The following AXIN1 variants were observed in gnomAD, a reference collection of about 807,000 sequenced individuals.
AXIN1 encodes the protein axin 1.
Under a neutral mutation model 76.4 loss-of-function variants are expected in AXIN1, and 30 were observed. The observed-to-expected ratio is 0.39, with a 90% CI of 0.29 to 0.53. The LOEUF (loss-of-function observed/expected upper bound fraction) is 0.53. AXIN1 is among the 20% of genes least tolerant of loss of function. AXIN1 has a pLI of 0.66. For synonymous variants in AXIN1, 545 were observed against 501.4 expected (o/e 1.09, Z -1.16); for missense variants, 1,140 against 1,198.8 (o/e 0.95, Z 0.72).
intron 5 of AXIN1, among the ~76,000 whole-genome samples, chr16:301,954 C>T (rs747096955): frequency 2.6e-5 from 4 of 152,246 alleles, no homozygotes; most frequent in African/African-American, 7.2e-5. Flanking sequence ...CCCGTGGGCC[C>T]GGATGTGGCC....
chr16:310,179 A>G (rs980105282), intron 3 of AXIN1, 110 bp from the exon 4 acceptor site: 1 of 936,870 alleles, frequency 1.1e-6, no homozygotes, highest in African/African-American at 1.6e-5. Context: ...TGATGAGGAC[A>G]CCTGTGAGCC....
chr16:313,941 TC>T (rs1202009162), intron 3 of AXIN1, among the ~76,000 whole-genome samples: 1 of 152,124 alleles, frequency 6.6e-6, no homozygotes, highest in East Asian at 1.9e-4. Flanking sequence ...CTTCCCTCAC[TC>T]CTGCTCCCAG....
At position 293,226 on chromosome 16, in the gene AXIN1, T is replaced by C. The variant is rs1049233090; in HGVS notation, c.2186+262A>G. On this transcript the variant is annotated intron_variant, in intron 8 of 10. Transcript: ENST00000262320. The surrounding 1 kb of genome is among the most constrained non-coding windows in gnomAD (Gnocchi z 4.6). The stretch of plus-strand genomic sequence containing the variant: ...AGCCTCCCTGCAGACTGGGCTCAGG[T>C]TGAGGAGGGACCCCGCCTCCAGAGC... 2.4e-5 allele frequency: 13 copies of C among 548,822 alleles called. No individual in the cohort carries two copies. Among genetic ancestry groups the C allele is most frequent in the Non-Finnish European group, 2.6e-5 (8 of 305,138 alleles). The allele number at this position is 548,822 out of a possible 1,614,324, so 34.0% of individuals were successfully genotyped here.
At chr16:290,904 G>A (rs1326091809) in intron 9 of AXIN1, 2 of 513,792 alleles carry the variant, frequency 3.9e-6, no homozygotes, top group African/African-American at 1.9e-5. Context: ...CAGGAAGCCT[G>A]GCCGTGACAC....
chr16:310,384 G>A (rs1031711437), intron 3 of AXIN1, among the ~76,000 whole-genome samples: 1 of 152,126 alleles, frequency 6.6e-6, no homozygotes, highest in Non-Finnish European at 1.5e-5. Flanking sequence ...AGCTAAGAGT[G>A]GTTTCTACAT....
At chr16:311,367 T>C (rs1322875336) in intron 3 of AXIN1, among the ~76,000 whole-genome samples, 1 of 152,048 alleles carries the variant, frequency 6.6e-6, no homozygotes, top group Non-Finnish European at 1.5e-5. Flanking sequence ...TAGAAGATCA[T>C]TAAAACACGA....
intron 9 of AXIN1, chr16:290,787 G>A (rs1331520925): frequency 1.4e-5 from 5 of 358,904 alleles, no homozygotes; most frequent in Non-Finnish European, 2.7e-5. Flanking sequence ...GCAAGCAGAC[G>A]CACCCCGGGC....
chr16:326,066 T>A (rs1216412504), intron 2 of AXIN1, among the ~76,000 whole-genome samples: 1 of 151,992 alleles, frequency 6.6e-6, no homozygotes, highest in Non-Finnish European at 1.5e-5. Flanking sequence ...ACTATATATA[T>A]AACAAGGGCC....
intron 3 of AXIN1, among the ~76,000 whole-genome samples, chr16:310,550 C>T (rs1468909850): frequency 6.6e-6 from 1 of 152,220 alleles, no homozygotes; most frequent in African/African-American, 2.4e-5. Flanking sequence ...GTGCCCGCCA[C>T]CACGCCCAGC....
chr16:320,741 A>ATTTTTTTT lies in AXIN1; in HGVS notation c.879-6059_879-6058insAAAAAAAA, dbSNP rs1303646861. The stretch of plus-strand genomic sequence containing the variant: ...TGTGTGTGTATATATATATATATAT[A>ATTTTTTTT]TATTTTTTTTTTTTTTGAGACGGAG... On this transcript the variant is annotated intron_variant, in intron 2 of 10. Coordinates refer to ENST00000262320, the MANE Select transcript of AXIN1 (RefSeq NM_003502.4). Among the ~76,000 whole-genome samples the ATTTTTTTT allele has an allele frequency of 4.3e-3, 398 of 91,988 alleles. 6 individuals are homozygous for ATTTTTTTT. Among genetic ancestry groups the ATTTTTTTT allele is most frequent in the African/African-American group, 0.02 (348 of 17,760 alleles). The allele number at this position is 91,988 out of a possible 152,430, so 60.3% of individuals were successfully genotyped here.
intron 2 of AXIN1, among the ~76,000 whole-genome samples, chr16:339,455 G>A (rs540664058): frequency 6.7e-6 from 1 of 148,836 alleles, no homozygotes; most frequent in African/African-American, 2.5e-5. Context: ...AGCTTGCAGT[G>A]AGCCAAGATT....
At chr16:333,401 G>A (rs549791580) in intron 2 of AXIN1, among the ~76,000 whole-genome samples, 3 of 149,614 alleles carry the variant, frequency 2.0e-5, no homozygotes, top group Non-Finnish European at 3.0e-5. Flanking sequence ...GAGGCAGGAG[G>A]ATCGCTCAAG....
chr16:320,741 A>ATTTTTTTTTTTTTTT (rs1303646861), intron 2 of AXIN1, among the ~76,000 whole-genome samples: 2 of 92,080 alleles, frequency 2.2e-5, no homozygotes, highest in African/African-American at 1.1e-4. Flanking sequence ...ATATATATAT[A>ATTTTTTTTTTTTTTT]TATTTTTTTT....
In AXIN1 at chr16:289,748, C is replaced by A. The variant is rs191116655; in HGVS notation, c.2295-141G>T. The A allele has an allele frequency of 9.2e-3, 9,138 of 995,448 alleles. 73 individuals are homozygous for A. Among genetic ancestry groups the A allele is most frequent in the Middle Eastern group, 0.019 (63 of 3,336 alleles). 61.7% of individuals were successfully genotyped at this position (995,448 alleles called of 1,614,324 possible). A position where few individuals can be genotyped will look rare whatever the true frequency, so the allele number is the denominator to read the frequency against. On this transcript the variant is annotated intron_variant, in intron 9 of 10. Transcript: ENST00000262320. ...ACCCCATTCAAACACCTGGGGCCCGCAGCCCCCGCACAGCATCTCAATCTG... is the reference window on the plus strand; with the variant it reads ...ACCCCATTCAAACACCTGGGGCCCGAAGCCCCCGCACAGCATCTCAATCTG...
intron 3 of AXIN1, among the ~76,000 whole-genome samples, chr16:310,279 A>G (rs930547361): frequency 2.0e-5 from 3 of 152,254 alleles, no homozygotes; most frequent in African/African-American, 7.2e-5. Context: ...ACGTGATGGT[A>G]AAGCCCAGGT....
intron 5 of AXIN1, chr16:299,161 G>A: frequency 1.0e-6 from 1 of 985,386 alleles, no homozygotes; most frequent in Non-Finnish European, 1.2e-6. Context: ...TGAAGCCGGT[G>A]GAGTTTCACT....
chr16:315,019 T>C (rs1378614525), intron 2 of AXIN1, among the ~76,000 whole-genome samples: 1 of 152,238 alleles, frequency 6.6e-6, no homozygotes, highest in East Asian at 1.9e-4. Flanking sequence ...GTTCTGCTCA[T>C]TCTGCAGTGC....
At chr16:289,393 A>G (rs2052487348) in intron 10 of AXIN1, 47 bp downstream of exon 10, 1 of 1,608,516 alleles carries the variant, frequency 6.2e-7, no homozygotes, top group African/African-American at 1.3e-5. Context: ...ACCGTTGGGC[A>G]CCCACATACT....
At chr16:309,935 G>C in intron 4 of AXIN1, 38 bp downstream of exon 4, 7 of 1,601,746 alleles carry the variant, frequency 4.4e-6, no homozygotes, top group South Asian at 1.1e-5. Context: ...GCTGAGCGGG[G>C]AGGACGATGG....
Sources: allele counts gnomAD v4.1 joint callset (sites outside exome capture counted in the v4.1 genomes callset), GRCh38; gene constraint gnomAD v4.1.1; non-coding constraint Gnocchi (gnomAD v3.1); transcripts MANE v1.5; gene names NCBI Gene and HGNC (gene_info 2026-07-23, HGNC 2026-07-21).